The following TBXAS1 variants were observed in gnomAD, a reference collection of about 807,000 sequenced individuals.
TBXAS1 encodes thromboxane-A synthase.
A neutral mutation model predicts 60.7 loss-of-function variants in TBXAS1; 48 were observed. The ratio of observed to expected loss-of-function variants is 0.79; its 90% CI spans 0.63 to 1.01. The LOEUF (loss-of-function observed/expected upper bound fraction) is 1.01. Ranked by LOEUF, TBXAS1 falls within the 50% of genes least tolerant of loss-of-function variation. TBXAS1 has a pLI of 0.00. For missense variants in TBXAS1, 685 were observed against 686.3 expected, an observed-to-expected ratio of 1.00 and a Z score of 0.02; for synonymous variants, 287 against 269.7, an observed-to-expected ratio of 1.06 and a Z score of -0.63.
At chr7:139,915,798 A>G (rs1805918369) in intron 4 of TBXAS1, among the ~76,000 whole-genome samples, 1 of 152,266 alleles carries the variant, frequency 6.6e-6, no homozygotes, top group Non-Finnish European at 1.5e-5. Flanking sequence ...CAAACTCCAG[A>G]ACACTGGCTG....
chr7:139,866,570 A>C (rs1801430707), intron 1 of TBXAS1, among the ~76,000 whole-genome samples: 1 of 150,308 alleles, frequency 6.7e-6, no homozygotes, highest in Non-Finnish European at 1.5e-5. Flanking sequence ...CCTGGGCAAC[A>C]TAGTGAGACC....
chr7:139,984,681 A>AAGG (rs1585005641), intron 9 of TBXAS1, among the ~76,000 whole-genome samples: 4 of 142,724 alleles, frequency 2.8e-5, no homozygotes, highest in Admixed American at 2.1e-4. Context: ...GAAGAAAAGA[A>AAGG]GAAGAAAGAA....
At chr7:139,873,909 T>G (rs1802017796) in intron 2 of TBXAS1, among the ~76,000 whole-genome samples, 1 of 152,192 alleles carries the variant, frequency 6.6e-6, no homozygotes, top group South Asian at 2.1e-4. Flanking sequence ...GGGACAATCC[T>G]GATAATATCC....
At chr7:139,859,073 C>T (rs965938573) in intron 1 of TBXAS1, among the ~76,000 whole-genome samples, 1 of 152,070 alleles carries the variant, frequency 6.6e-6, no homozygotes, top group African/African-American at 2.4e-5. Context: ...TGGAGTTTCT[C>T]CATGTTGGTC....
intron 5 of TBXAS1, among the ~76,000 whole-genome samples, chr7:139,951,039 C>T (rs556852455): frequency 7.2e-5 from 11 of 152,236 alleles, no homozygotes; most frequent in African/African-American, 2.4e-4. Flanking sequence ...TGTCAATAGC[C>T]GGCCAGCTGT....
chr7:139,957,693 G>T lies in TBXAS1; in HGVS notation c.748G>T (p.Glu250Ter), dbSNP rs267601315. 27 of 1,614,040 alleles carry T rather than the reference G, an allele frequency of 1.7e-5. No individual in the cohort carries two copies. The highest frequency in any genetic ancestry group is 3.3e-4 in the Middle Eastern group (2 of 6,062). Residue 250 changes from glutamate to a stop codon, truncating the protein, a stop_gained, in exon 8 of 13, where the codon GAA (glutamate) becomes TAA (stop). Coordinates refer to ENST00000448866, the MANE Select transcript of TBXAS1 (RefSeq NM_001061.7). LOFTEE classifies it high-confidence loss of function. ...GATTTTGCCCAATAAGAACCGAGAC[G>T]AACTGAATGGCTTTTTTAACAAACT... ...ARILPNKNRD[E>*]LNGFFNKLIR...
intron 1 of TBXAS1, among the ~76,000 whole-genome samples, chr7:139,853,925 A>T (rs1209998171): frequency 6.6e-6 from 1 of 152,136 alleles, no homozygotes; most frequent in East Asian, 1.9e-4. Flanking sequence ...CAAGGAAAAC[A>T]TCTCCATGTG....
At chr7:139,947,378 C>T (rs1217961475) in intron 5 of TBXAS1, among the ~76,000 whole-genome samples, 1 of 151,970 alleles carries the variant, frequency 6.6e-6, no homozygotes, top group Non-Finnish European at 1.5e-5. Flanking sequence ...AACACATGCG[C>T]ATAAGGAGGA....
intron 5 of TBXAS1, among the ~76,000 whole-genome samples, chr7:139,939,234 G>T (rs1808067403): frequency 6.6e-6 from 1 of 151,944 alleles, no homozygotes; most frequent in South Asian, 2.1e-4. Context: ...TGTGGTGGCA[G>T]GCACCTGTAA....
intron 9 of TBXAS1, among the ~76,000 whole-genome samples, chr7:139,985,012 G>T (rs146860383): frequency 2.6e-5 from 4 of 152,066 alleles, no homozygotes; most frequent in Admixed American, 6.5e-5. Context: ...TTCAGAAATC[G>T]CTGGTCAGTC....
chr7:139,842,254 T>G (rs532351381), intron 1 of TBXAS1, among the ~76,000 whole-genome samples: 2 of 152,262 alleles, frequency 1.3e-5, no homozygotes, highest in Non-Finnish European at 2.9e-5. Flanking sequence ...GGGGCAGAGA[T>G]GAAAGAAGAA....
intron 7 of TBXAS1, 89 bp from the exon 8 acceptor site, chr7:139,957,544 GC>G (rs1402118972): frequency 1.3e-6 from 2 of 1,586,742 alleles, no homozygotes; most frequent in African/African-American, 1.3e-5. Context: ...CCGATTCCAG[GC>G]CCGCGTTTGC....
intron 1 of TBXAS1, among the ~76,000 whole-genome samples, chr7:139,861,671 G>A (rs948935746): frequency 5.3e-5 from 8 of 152,158 alleles, no homozygotes; most frequent in African/African-American, 9.7e-5. Context: ...AATTAAGTGC[G>A]TAACATCTGA....
rs1041359492 is a variant in TBXAS1 at position 139,884,372 on chromosome 7, A to T, written c.236+8735A>T. On this transcript the variant is annotated intron_variant, in intron 3 of 12. Transcript: ENST00000448866. Reference sequence around the variant, plus strand: ...ACCATTTAAGACATCTCTCTGTAAGATTTTTGCATTGGGTGTAAATATCTA... The same window carrying T: ...ACCATTTAAGACATCTCTCTGTAAGTTTTTTGCATTGGGTGTAAATATCTA... Among the ~76,000 whole-genome samples the T allele has an allele frequency of 1.9e-4, 29 of 152,342 alleles. No individual in the cohort carries two copies. In the East Asian group the frequency reaches 5.6e-3, roughly 29 times the overall value.
intron 1 of TBXAS1, among the ~76,000 whole-genome samples, chr7:139,847,507 A>G (rs1166495419): frequency 2.6e-5 from 4 of 152,132 alleles, no homozygotes; most frequent in Non-Finnish European, 5.9e-5. Flanking sequence ...AAAACAAACA[A>G]CTGAGCCAGC....
At chr7:139,980,196 A>G (rs527341346) in intron 9 of TBXAS1, among the ~76,000 whole-genome samples, 1 of 152,264 alleles carries the variant, frequency 6.6e-6, no homozygotes, top group African/African-American at 2.4e-5. Context: ...GGGCATCTAA[A>G]TGGTATCCTG....
At chr7:139,944,612 T>C (rs915972803) in intron 5 of TBXAS1, among the ~76,000 whole-genome samples, 3 of 152,186 alleles carry the variant, frequency 2.0e-5, no homozygotes, top group Non-Finnish European at 4.4e-5. Context: ...CTGTGAATTG[T>C]CTGGAGGAGT....
chr7:139,934,140 T>TC (rs1398346386), intron 4 of TBXAS1, among the ~76,000 whole-genome samples: 1 of 152,064 alleles, frequency 6.6e-6, no homozygotes, highest in Admixed American at 6.6e-5. Context: ...ACTCTCTGCT[T>TC]CCCCTCTAGA....
chr7:139,973,602 T>C (rs1378163784), intron 9 of TBXAS1, among the ~76,000 whole-genome samples: 2 of 151,602 alleles, frequency 1.3e-5, no homozygotes, highest in Non-Finnish European at 2.9e-5. Context: ...ATATGGCATG[T>C]GTGAAAATAT....
Sources: gnomAD v4.1 joint callset for allele counts (sites outside exome capture counted in the v4.1 genomes callset) on GRCh38, gnomAD v4.1.1 for gene constraint, MANE v1.5 for transcripts, NCBI Gene and HGNC (gene_info 2026-07-23, HGNC 2026-07-21) for gene names.